EMC10: variants seen among roughly 807,000 people sequenced by gnomAD.
EMC10 encodes the protein UPF0510 protein INM02.
In EMC10, 40 loss-of-function variants were observed where a neutral mutation model predicts 32.2. The observed-to-expected ratio is 1.24, with a 90% CI of 0.96 to 1.61. EMC10 has a LOEUF of 1.61. Ranked by LOEUF, EMC10 falls within the 40% of genes most tolerant of loss-of-function variation. EMC10 has a pLI of 0.00. For synonymous variants in EMC10, 178 were observed against 158.4 expected (o/e 1.12, Z -0.93); for missense variants, 402 against 357.7 (o/e 1.12, Z -1.00).
At chr19:50,478,405 G>A (rs1481379903) in intron 2 of EMC10, among the ~76,000 whole-genome samples, 3 of 152,164 alleles carry the variant, frequency 2.0e-5, no homozygotes, top group African/African-American at 4.8e-5. Flanking sequence ...AGGTCTCATC[G>A]TGAGTGAGTG....
rs1033374143 is a variant in EMC10 at position 50,483,696 on chromosome 19, G to C, written c.*1437G>C. 6.6e-6 allele frequency: 1 copy of C among 152,440 alleles called. No homozygotes were observed. The highest frequency in any genetic ancestry group is 1.9e-4 in the East Asian group (1 of 5,200). The allele number at this position is 152,440 out of a possible 1,614,324, so 9.4% of individuals were successfully genotyped here. ...CCCACCTCAGCCTCCTGAGTAGCTG[G>C]AATTGTAGGCGTGCACCACCACGCG... is the stretch of plus-strand genomic sequence containing the variant. On this transcript the variant is annotated 3_prime_UTR_variant, in exon 7 of 7. Transcript: ENST00000334976.
chr19:50,479,687 G>C (rs1299845923), intron 3 of EMC10, among the ~76,000 whole-genome samples: 1 of 152,218 alleles, frequency 6.6e-6, no homozygotes, highest in Admixed American at 6.5e-5. Flanking sequence ...GCCACGCGGT[G>C]AGGTCTGCCT....
chr19:50,480,315 G>A lies in EMC10; in HGVS notation c.402+100G>A, dbSNP rs1324734572. The stretch of plus-strand genomic sequence containing the variant: ...TCGAACCCCTGTGTTTCTGGAGCCC[G>A]CAGAGGCCTGGGAGACTCAGACCTG... On this transcript the variant is annotated intron_variant, in intron 4 of 6. Coordinates refer to ENST00000334976, the MANE Select transcript of EMC10 (RefSeq NM_206538.4). The surrounding 1 kb of genome is among the most constrained non-coding windows in gnomAD (Gnocchi z 4.4). The A allele has an allele frequency of 7.9e-6, 10 of 1,262,848 alleles. No individual in the cohort carries two copies. The highest frequency in any genetic ancestry group is 2.5e-5 in the East Asian group (1 of 39,694). The allele number at this position is 1,262,848 out of a possible 1,614,324, so 78.2% of individuals were successfully genotyped here.
rs1978434964 is a variant in EMC10 at position 50,488,037 on chromosome 19, A to C, written c.*5778A>C. On this transcript the variant is annotated 3_prime_UTR_variant, in exon 7 of 7. Transcript: ENST00000334976. ...GCCGGGCACGGTGGCTCACGCCTGTAATCCCAGCACTTTGGGAGGCCAAGG... is the reference window on the plus strand; with the variant it reads ...GCCGGGCACGGTGGCTCACGCCTGTCATCCCAGCACTTTGGGAGGCCAAGG... 6.5e-6 allele frequency: 1 copy of C among 152,780 alleles called. No individual in the cohort carries two copies. The highest frequency in any genetic ancestry group is 6.5e-5 in the Admixed American group (1 of 15,276). 9.5% of individuals were successfully genotyped at this position (152,780 alleles called of 1,614,324 possible). A position where few individuals can be genotyped will look rare whatever the true frequency, so the allele number is the denominator to read the frequency against.
Position 50,484,693 on chromosome 19 carries a change from A to T in EMC10, c.*2434A>T, listed in dbSNP as rs2040370560. The T allele has an allele frequency of 6.6e-6, 1 of 152,210 alleles. No individual in the cohort carries two copies. The highest frequency in any genetic ancestry group is 2.1e-4 in the South Asian group (1 of 4,834). The allele number at this position is 152,210 out of a possible 1,614,324, so 9.4% of individuals were successfully genotyped here. The stretch of plus-strand genomic sequence containing the variant: ...AAAAGATAGAGTAGGTTGGCCAGGC[A>T]TAGTGATTCATGCTTGTAGTCCCAG... On this transcript the variant is annotated 3_prime_UTR_variant, in exon 7 of 7. Transcript: ENST00000334976.
rs1044517014 is a variant in EMC10 at position 50,484,637 on chromosome 19, C to A, written c.*2378C>A. 2 of 152,032 alleles carry A rather than the reference C, an allele frequency of 1.3e-5. No homozygotes were observed. Among genetic ancestry groups the A allele is most frequent in the Non-Finnish European group, 2.9e-5 (2 of 68,014 alleles). The allele number at this position is 152,032 out of a possible 1,614,324, so 9.4% of individuals were successfully genotyped here. On this transcript the variant is annotated 3_prime_UTR_variant, in exon 7 of 7. Coordinates refer to ENST00000334976, the MANE Select transcript of EMC10 (RefSeq NM_206538.4). Reference sequence around the variant, plus strand: ...CCCACTCACTATTTTATTTTATTGACCGGGTTATCCAGGGATGAAGTATGA... The same window carrying A: ...CCCACTCACTATTTTATTTTATTGAACGGGTTATCCAGGGATGAAGTATGA...
rs1466006806 is a variant in EMC10, at chr19:50,486,351, A to G, written c.*4092A>G. Reference sequence around the variant, plus strand: ...ATTACAACCGTGTGCCACCACACCCAGCCAATTTTTGTATTTTTAGTAGAG... The same window carrying G: ...ATTACAACCGTGTGCCACCACACCCGGCCAATTTTTGTATTTTTAGTAGAG... On this transcript the variant is annotated 3_prime_UTR_variant, in exon 7 of 7. Coordinates refer to ENST00000334976, the MANE Select transcript of EMC10 (RefSeq NM_206538.4). 6.6e-6 allele frequency: 1 copy of G among 152,058 alleles called. No individual in the cohort carries two copies. Among genetic ancestry groups the G allele is most frequent in the African/African-American group, 2.4e-5 (1 of 41,374 alleles). 9.4% of individuals were successfully genotyped at this position (152,058 alleles called of 1,614,324 possible). A position where few individuals can be genotyped will look rare whatever the true frequency, so the allele number is the denominator to read the frequency against.
chr19:50,481,709 A>G (rs111904754), intron 6 of EMC10: 9 of 645,690 alleles, frequency 1.4e-5, no homozygotes, highest in African/African-American at 5.6e-5. Flanking sequence ...GGATAGTCCA[A>G]CAGTTGTGCT....
chr19:50,483,348 C>T lies in EMC10; in HGVS notation c.*1089C>T, dbSNP rs1233969435. ...TATTAAACTGTCCCCCAGATCGACACGCAGCTAGCCTCCTGCATTGTATGG... is the reference window on the plus strand; with the variant it reads ...TATTAAACTGTCCCCCAGATCGACATGCAGCTAGCCTCCTGCATTGTATGG... On this transcript the variant is annotated 3_prime_UTR_variant, in exon 7 of 7. Coordinates refer to ENST00000334976, the MANE Select transcript of EMC10 (RefSeq NM_206538.4). 5 of 330,610 alleles carry T rather than the reference C, an allele frequency of 1.5e-5. No homozygotes were observed. The highest frequency in any genetic ancestry group is 4.1e-5 in the Admixed American group (1 of 24,324). The allele number at this position is 330,610 out of a possible 1,614,324, so 20.5% of individuals were successfully genotyped here. A position where few individuals can be genotyped will look rare whatever the true frequency, so the allele number is the denominator to read the frequency against.
At position 50,477,934 on chromosome 19, in the gene EMC10, G is replaced by A. The variant is rs2040254951; in HGVS notation, c.120G>A (p.Gly40=). ...CRAGTGARGA[G]AEGREGEACG... is the part of the protein sequence containing the mutation. ...GCCTTCTGTGTCCTCTGCAGGCTGG[G>A]GCGGAAGGTCGAGAGGGCGAGGCCT... The change falls in exon 2 of 7, where the codon GGG becomes GGA. Residue 40 remains glycine, a synonymous_variant. Transcript: ENST00000334976. 5 of 1,598,528 alleles carry A rather than the reference G, an allele frequency of 3.1e-6. No individual in the cohort carries two copies. The East Asian group carries it at 1.1e-4, about 37-fold the overall frequency.
chr19:50,482,103 C>T lies in EMC10; in HGVS notation c.679-46C>T, dbSNP rs199740923. 383 of 1,398,512 alleles carry T rather than the reference C, an allele frequency of 2.7e-4. 1 individual carries two copies. The highest frequency in any genetic ancestry group is 1.4e-3 in the Admixed American group (84 of 59,742). 86.6% of individuals were successfully genotyped at this position (1,398,512 alleles called of 1,614,324 possible). On this transcript the variant is annotated intron_variant, in intron 6 of 6. Coordinates refer to ENST00000334976, the MANE Select transcript of EMC10 (RefSeq NM_206538.4). ...GCCCACACTCACCTCCTTCCCCTCTCTCTCTCTTTCTGTGTCTGTCTGTCC... is the reference window on the plus strand; with the variant it reads ...GCCCACACTCACCTCCTTCCCCTCTTTCTCTCTTTCTGTGTCTGTCTGTCC...
At chr19:50,481,850 T>G (rs1461222984) in intron 6 of EMC10, 3 of 1,563,274 alleles carry the variant, frequency 1.9e-6, no homozygotes, top group African/African-American at 1.4e-5. Context: ...CTGCGCTCCC[T>G]CCCTCCCCAG....
At position 50,480,500 on chromosome 19, in the gene EMC10, C is replaced by G. The variant is rs45619535; in HGVS notation, c.403-81C>G. The G allele has an allele frequency of 2.7e-6, 4 of 1,474,730 alleles. No homozygotes were observed. In the African/African-American group the frequency reaches 5.6e-5, roughly 21 times the overall value. The allele number at this position is 1,474,730 out of a possible 1,614,324, so 91.4% of individuals were successfully genotyped here. A position where few individuals can be genotyped will look rare whatever the true frequency, so the allele number is the denominator to read the frequency against. On this transcript the variant is annotated intron_variant, in intron 4 of 6. Coordinates refer to ENST00000334976, the MANE Select transcript of EMC10 (RefSeq NM_206538.4). This position sits in a 1 kb window ranked among gnomAD's most constrained non-coding sequence, Gnocchi z 4.4. ...AGGTTTTGAAAAATGCTCCGGGGGT[C>G]CTGTGGTGGGGGCCGGGGGAGGTTA...
chr19:50,489,446 A>G lies in EMC10; in HGVS notation c.*7187A>G, dbSNP rs7247658. 10,173 of 152,550 alleles carry G rather than the reference A, an allele frequency of 0.067. 1,158 individuals are homozygous for G. Among genetic ancestry groups the G allele is most frequent in the African/African-American group, 0.23 (9,625 of 41,554 alleles). The allele number at this position is 152,550 out of a possible 1,614,324, so 9.4% of individuals were successfully genotyped here. A position where few individuals can be genotyped will look rare whatever the true frequency, so the allele number is the denominator to read the frequency against. ...GCTGAGGAGGGGGCGCCCCTAAGAC[A>G]GCGTCAGCCCAGAGACCGGGGCAGG... On this transcript the variant is annotated 3_prime_UTR_variant, in exon 7 of 7. Coordinates refer to ENST00000334976, the MANE Select transcript of EMC10 (RefSeq NM_206538.4).
At position 50,478,994 on chromosome 19, in the gene EMC10, C is replaced by T. The variant is rs1294072796; in HGVS notation, c.225C>T (p.Leu75=). The change falls in exon 3 of 7, where the codon CTC becomes CTT. Residue 75 remains leucine, a synonymous_variant. Transcript: ENST00000334976. ...SANFRKRGSL[L]WNQQDGTLSL... is the part of the protein sequence containing the mutation. ...ACTTCCGGAAGCGGGGCTCACTGCT[C>T]TGGAACCAGCAGGATGGTACCTTGT... The T allele has an allele frequency of 2.5e-6, 4 of 1,611,362 alleles. No homozygotes were observed. Among genetic ancestry groups the T allele is most frequent in the Admixed American group, 1.7e-5 (1 of 59,882 alleles).
chr19:50,478,844 C>T (rs1231775135), intron 2 of EMC10, 113 bp from the exon 3 acceptor site: 1 of 723,154 alleles, frequency 1.4e-6, no homozygotes, highest in African/African-American at 1.8e-5. Context: ...GGGGAGGGAA[C>T]CTGGTCACTC....
rs976829808 is a variant in EMC10 at position 50,490,429 on chromosome 19, C to G, written c.*8170C>G. On this transcript the variant is annotated 3_prime_UTR_variant, in exon 7 of 7. Transcript: ENST00000334976. ...GTGGCCGGCCCTTAAAAGCATCAAACTACATACAAGACCGTAAGGAAGCTG... is the reference window on the plus strand; with the variant it reads ...GTGGCCGGCCCTTAAAAGCATCAAAGTACATACAAGACCGTAAGGAAGCTG... 6.6e-6 allele frequency: 1 copy of G among 152,160 alleles called. No individual in the cohort carries two copies. Among genetic ancestry groups the G allele is most frequent in the Non-Finnish European group, 1.5e-5 (1 of 68,036 alleles). 9.4% of individuals were successfully genotyped at this position (152,160 alleles called of 1,614,324 possible). A position where few individuals can be genotyped will look rare whatever the true frequency, so the allele number is the denominator to read the frequency against.
rs991266252 is a variant in EMC10, at chr19:50,478,838, A to AGGGAACCT, written c.188-116_188-109dup. 3 of 688,800 alleles carry AGGGAACCT rather than the reference A, an allele frequency of 4.4e-6. No homozygotes were observed. The African/African-American group carries it at 5.5e-5, about 13-fold the overall frequency. The allele number at this position is 688,800 out of a possible 1,614,324, so 42.7% of individuals were successfully genotyped here. A position where few individuals can be genotyped will look rare whatever the true frequency, so the allele number is the denominator to read the frequency against. On this transcript the variant is annotated intron_variant, in intron 2 of 6. Coordinates refer to ENST00000334976, the MANE Select transcript of EMC10 (RefSeq NM_206538.4). ...TAGCAAAATGGGGGCCCAGATGGGG[A>AGGGAACCT]GGGAACCTGGTCACTCGGGTGGAGG... is the stretch of plus-strand genomic sequence containing the variant.
chr19:50,489,419 C>CAGCTGA lies in EMC10; in HGVS notation c.*7161_*7166dup, dbSNP rs1225472913. 2 of 152,514 alleles carry CAGCTGA rather than the reference C, an allele frequency of 1.3e-5. No individual in the cohort carries two copies. The highest frequency in any genetic ancestry group is 2.9e-5 in the Non-Finnish European group (2 of 68,286). 9.4% of individuals were successfully genotyped at this position (152,514 alleles called of 1,614,324 possible). A position where few individuals can be genotyped will look rare whatever the true frequency, so the allele number is the denominator to read the frequency against. On this transcript the variant is annotated 3_prime_UTR_variant, in exon 7 of 7. Coordinates refer to ENST00000334976, the MANE Select transcript of EMC10 (RefSeq NM_206538.4). Reference sequence around the variant, plus strand: ...GTAGCGACAGAGGACCATGCCCCTCCAGCTGAGGAGGGGGCGCCCCTAAGA... The same window carrying CAGCTGA: ...GTAGCGACAGAGGACCATGCCCCTCCAGCTGAAGCTGAGGAGGGGGCGCCCCTAAGA...
Sources: allele counts gnomAD v4.1 joint callset (sites outside exome capture counted in the v4.1 genomes callset), GRCh38; gene constraint gnomAD v4.1.1; non-coding constraint Gnocchi (gnomAD v3.1); transcripts MANE v1.5; gene names NCBI Gene and HGNC (gene_info 2026-07-23, HGNC 2026-07-21).